Variants in PLA2G4A observed in about 807,000 individuals in gnomAD.
The protein encoded by PLA2G4A is cytosolic phospholipase A2.
A neutral mutation model predicts 81.9 loss-of-function variants in PLA2G4A; 40 were observed. The observed-to-expected ratio is 0.49, with a 90% CI of 0.38 to 0.64. The LOEUF is 0.64. PLA2G4A is among the 30% of genes least tolerant of loss of function. PLA2G4A has a pLI of 0.00. For missense variants in PLA2G4A, 715 were observed against 905.1 expected, an observed-to-expected ratio of 0.79 and a Z score of 2.69; for synonymous variants, 302 against 296.9, an observed-to-expected ratio of 1.02 and a Z score of -0.18.
At chr1:186,911,504 G>C (rs1321221889) in intron 7 of PLA2G4A, 115 bp downstream of exon 7, 1 of 807,708 alleles carries the variant, frequency 1.2e-6, no homozygotes, top group African/African-American at 1.7e-5. Context: ...TATTCCTTTA[G>C]TTTTTTAAGG....
At chr1:186,924,512 G>A (rs927900589) in intron 7 of PLA2G4A, among the ~76,000 whole-genome samples, 6 of 152,028 alleles carry the variant, frequency 3.9e-5, no homozygotes, top group Admixed American at 6.6e-5. Context: ...TCATCTGAGC[G>A]TTCCTTACAT....
intron 1 of PLA2G4A, among the ~76,000 whole-genome samples, chr1:186,830,988 TTC>T (rs1159871137): frequency 7.1e-6 from 1 of 140,326 alleles, no homozygotes; most frequent in African/African-American, 2.5e-5. Flanking sequence ...CTTTCTTTCT[TTC>T]TTTCTTTCTT....
intron 2 of PLA2G4A, among the ~76,000 whole-genome samples, chr1:186,858,900 A>AT: frequency 6.6e-6 from 1 of 151,560 alleles, no homozygotes. Flanking sequence ...TGGAAAAAAA[A>AT]CCAACTGTGG....
At chr1:186,955,389 G>A (rs1656709026) in intron 13 of PLA2G4A, among the ~76,000 whole-genome samples, 1 of 152,072 alleles carries the variant, frequency 6.6e-6, no homozygotes, top group African/African-American at 2.4e-5. Context: ...GATTTCTTAA[G>A]GTAACTTAAG....
At chr1:186,898,778 G>C (rs1167110276) in intron 5 of PLA2G4A, among the ~76,000 whole-genome samples, 1 of 152,060 alleles carries the variant, frequency 6.6e-6, no homozygotes, top group Non-Finnish European at 1.5e-5. Context: ...TTAAAAGCAG[G>C]TGGCCAACAA....
chr1:186,901,363 G>T (rs1250660494), intron 5 of PLA2G4A, among the ~76,000 whole-genome samples: 1 of 152,130 alleles, frequency 6.6e-6, no homozygotes, highest in Non-Finnish European at 1.5e-5. Flanking sequence ...GAATGCTCTT[G>T]CATTCTTGGG....
At chr1:186,961,898 C>T (rs1248562109) in intron 14 of PLA2G4A, among the ~76,000 whole-genome samples, 5 of 152,116 alleles carry the variant, frequency 3.3e-5, no homozygotes, top group Admixed American at 3.3e-4. Flanking sequence ...CTGCTGTCAA[C>T]CACAGTTTGA....
At chr1:186,835,372 G>T (rs1651742517) in intron 1 of PLA2G4A, among the ~76,000 whole-genome samples, 1 of 152,166 alleles carries the variant, frequency 6.6e-6, no homozygotes, top group Admixed American at 6.5e-5. Context: ...TCATTTTGTG[G>T]ACTTTTTAAA....
At chr1:186,890,082 G>A (rs1031467946) in intron 3 of PLA2G4A, among the ~76,000 whole-genome samples, 4 of 152,202 alleles carry the variant, frequency 2.6e-5, no homozygotes, top group African/African-American at 9.7e-5. Flanking sequence ...TGAGACTAAT[G>A]TGTGTAAAGT....
At chr1:186,844,662 G>A (rs766170809) in intron 1 of PLA2G4A, among the ~76,000 whole-genome samples, 16 of 152,146 alleles carry the variant, frequency 1.1e-4, no homozygotes, top group Non-Finnish European at 2.2e-4. Context: ...GGGAGGGATA[G>A]CATTAGGAGA....
At chr1:186,899,593 A>G (rs141235623) in intron 5 of PLA2G4A, among the ~76,000 whole-genome samples, 1 of 152,180 alleles carries the variant, frequency 6.6e-6, no homozygotes, top group Non-Finnish European at 1.5e-5. Context: ...AAGAAGAGGT[A>G]CACTGGGATG....
At chr1:186,988,354 A>G in intron 17 of PLA2G4A, 23 bp from the exon 18 acceptor site, 1 of 1,597,538 alleles carries the variant, frequency 6.3e-7, no homozygotes, top group Non-Finnish European at 8.6e-7. Context: ...CGCTAATTAT[A>G]CAACTTCTGT....
intron 5 of PLA2G4A, among the ~76,000 whole-genome samples, chr1:186,905,581 C>T (rs1654704956): frequency 6.6e-6 from 1 of 152,062 alleles, no homozygotes; most frequent in Admixed American, 6.6e-5. Context: ...TGAAAGAATG[C>T]TCATAGAATT....
At chr1:186,863,610 G>A (rs371361621) in intron 2 of PLA2G4A, among the ~76,000 whole-genome samples, 22 of 151,838 alleles carry the variant, frequency 1.4e-4, no homozygotes, top group African/African-American at 1.9e-4. Flanking sequence ...CTTTTTACCC[G>A]TTTACCATTC....
chr1:186,940,599 A>G (rs992521103), intron 10 of PLA2G4A, among the ~76,000 whole-genome samples: 2 of 152,214 alleles, frequency 1.3e-5, no homozygotes, highest in Admixed American at 6.5e-5. Context: ...TCTTATGTAT[A>G]CTTTAAATCA....
At chr1:186,913,352 C>T (rs922354783) in intron 7 of PLA2G4A, among the ~76,000 whole-genome samples, 71 of 151,528 alleles carry the variant, frequency 4.7e-4, no homozygotes, top group African/African-American at 1.6e-3. Flanking sequence ...TCCTTTATTA[C>T]TCAATCATAT....
chr1:186,839,970 T>C (rs1651921986), intron 1 of PLA2G4A, among the ~76,000 whole-genome samples: 2 of 112,292 alleles, frequency 1.8e-5, no homozygotes, highest in Non-Finnish European at 3.6e-5. Flanking sequence ...GACTTCTTTT[T>C]TTTTTTTTTT....
At chr1:186,980,235 G>A (rs369606598) in intron 17 of PLA2G4A, among the ~76,000 whole-genome samples, 2 of 152,038 alleles carry the variant, frequency 1.3e-5, no homozygotes, top group African/African-American at 4.8e-5. Context: ...CACCGCACCC[G>A]GCCAGCCTTT....
intron 3 of PLA2G4A, among the ~76,000 whole-genome samples, chr1:186,873,851 G>C (rs1194019926): frequency 6.6e-6 from 1 of 151,972 alleles, no homozygotes; most frequent in Non-Finnish European, 1.5e-5. Context: ...TAAGACAGCT[G>C]CCAGTTCCTT....
Sources: allele counts gnomAD v4.1 joint callset (sites outside exome capture counted in the v4.1 genomes callset), GRCh38; gene constraint gnomAD v4.1.1; transcripts MANE v1.5; gene names NCBI Gene and HGNC (gene_info 2026-07-23, HGNC 2026-07-21).